MPP4: variants seen among roughly 807,000 people sequenced by gnomAD.
MPP4 encodes the protein MAGUK p55 scaffold protein 4, also known as MAGUK p55 subfamily member 4.
A neutral mutation model predicts 98.3 loss-of-function variants in MPP4; 91 were observed. That is an observed-to-expected ratio of 0.93 (90% CI 0.78 to 1.10). The LOEUF is 1.10. MPP4 is among the 50% of genes least tolerant of loss of function. The pLI is 0.00. For synonymous variants in MPP4, 261 were observed against 271.8 expected (o/e 0.96, Z 0.39); for missense variants, 744 against 792.9 (o/e 0.94, Z 0.74).
At chr2:201,659,340 C>A (rs1196979188) in intron 15 of MPP4, among the ~76,000 whole-genome samples, 1 of 152,160 alleles carries the variant, frequency 6.6e-6, no homozygotes, top group African/African-American at 2.4e-5. Flanking sequence ...ATGTTTCTGA[C>A]TGGCCAGGAC....
intron 11 of MPP4, among the ~76,000 whole-genome samples, chr2:201,670,101 A>G (rs936497283): frequency 2.4e-4 from 37 of 152,226 alleles, no homozygotes; most frequent in Admixed American, 2.4e-3. Flanking sequence ...AATGAAAGGA[A>G]GGGAAGAAGA....
At chr2:201,645,620 T>C (rs1261502584) in intron 21 of MPP4, among the ~76,000 whole-genome samples, 1 of 152,294 alleles carries the variant, frequency 6.6e-6, no homozygotes, top group East Asian at 1.9e-4. Context: ...TTTTGCCCTC[T>C]GTTATTGAAA....
chr2:201,660,702 C>T (rs553894204), intron 14 of MPP4, among the ~76,000 whole-genome samples: 10 of 152,200 alleles, frequency 6.6e-5, no homozygotes, highest in African/African-American at 1.2e-4. Flanking sequence ...CCTCTCTCCC[C>T]GAGGCAGTAT....
intron 3 of MPP4, among the ~76,000 whole-genome samples, chr2:201,691,756 T>G (rs1181316607): frequency 2.0e-5 from 3 of 152,156 alleles, no homozygotes; most frequent in Admixed American, 2.0e-4. Context: ...TGACCTCAGG[T>G]GATCCACCAG....
At chr2:201,654,266 G>A (rs141667378) in intron 18 of MPP4, among the ~76,000 whole-genome samples, 16 of 152,170 alleles carry the variant, frequency 1.1e-4, no homozygotes, top group African/African-American at 3.1e-4. Context: ...GTGAGCCACC[G>A]TGCCCAGCCA....
chr2:201,695,587 C>A (rs528571537), intron 1 of MPP4, among the ~76,000 whole-genome samples: 2 of 152,282 alleles, frequency 1.3e-5, no homozygotes, highest in African/African-American at 4.8e-5. Flanking sequence ...GCAACTAGAG[C>A]TTAATCCCAC....
At chr2:201,671,037 C>A (rs1380233095) in intron 11 of MPP4, among the ~76,000 whole-genome samples, 2 of 152,212 alleles carry the variant, frequency 1.3e-5, no homozygotes, top group African/African-American at 4.8e-5. Flanking sequence ...CCAGATATTA[C>A]CCTTTTCCCA....
intron 12 of MPP4, among the ~76,000 whole-genome samples, chr2:201,667,018 AT>A (rs1405037206): frequency 2.6e-5 from 4 of 152,214 alleles, no homozygotes; most frequent in Non-Finnish European, 4.4e-5. Flanking sequence ...CCATGTGAAA[AT>A]GGGGAGAGTA....
intron 18 of MPP4, chr2:201,652,148 G>GC (rs1687731197): frequency 3.4e-6 from 1 of 295,508 alleles, no homozygotes; most frequent in Admixed American, 6.5e-5. Flanking sequence ...ATCTTCCCCA[G>GC]CCCCTGCACA....
Position 201,698,172 on chromosome 2 carries a change from C to T in MPP4, c.-101+415G>A, listed in dbSNP as rs151220781. On this transcript the variant is annotated intron_variant, in intron 1 of 21. Transcript: ENST00000409474. The stretch of plus-strand genomic sequence containing the variant: ...AAGTATTTCCATTAGCTTTTTAAAA[C>T]GTACTATTAAATGCCACAACCCCCT... 5.6e-3 allele frequency: 4,354 copies of T among 779,904 alleles called. 19 individuals are homozygous for T. Among genetic ancestry groups the T allele is most frequent in the Non-Finnish European group, 6.1e-3 (3,873 of 638,318 alleles). The allele number at this position is 779,904 out of a possible 1,614,324, so 48.3% of individuals were successfully genotyped here.
intron 10 of MPP4, among the ~76,000 whole-genome samples, chr2:201,676,749 A>C (rs1281231510): frequency 6.6e-6 from 1 of 152,008 alleles, no homozygotes; most frequent in Non-Finnish European, 1.5e-5. Flanking sequence ...AAAATACAAA[A>C]ATTAGTTGGA....
intron 8 of MPP4, 32 bp from the exon 9 acceptor site, chr2:201,681,599 T>C: frequency 6.4e-7 from 1 of 1,574,034 alleles, no homozygotes; most frequent in African/African-American, 1.4e-5. Flanking sequence ...AGGATGACAA[T>C]CATGGAGCTA....
chr2:201,683,117 G>A (rs1025920395), intron 7 of MPP4, among the ~76,000 whole-genome samples: 6 of 150,788 alleles, frequency 4.0e-5, no homozygotes, highest in South Asian at 2.1e-4. Flanking sequence ...TTTCTACCTC[G>A]TCATAAATAC....
At chr2:201,666,450 G>T (rs1688177252) in intron 12 of MPP4, 78 bp from the exon 13 acceptor site, 1 of 1,167,104 alleles carries the variant, frequency 8.6e-7, no homozygotes, top group South Asian at 1.5e-5. Flanking sequence ...GCCAGGCATG[G>T]TGGCTCATGC....
chr2:201,669,319 T>C (rs1391209764), intron 12 of MPP4, among the ~76,000 whole-genome samples: 1 of 152,194 alleles, frequency 6.6e-6, no homozygotes, highest in Non-Finnish European at 1.5e-5. Context: ...AATCTTTTCA[T>C]CCATAACATG....
intron 21 of MPP4, among the ~76,000 whole-genome samples, 173 bp downstream of exon 21, chr2:201,647,518 A>AT (rs879140719): frequency 3.1e-4 from 47 of 150,784 alleles, no homozygotes; most frequent in Admixed American, 6.0e-4. Context: ...TACAGTTTTA[A>AT]TTTTTTTTTT....
At chr2:201,686,913 C>A (rs1255878164) in intron 5 of MPP4, among the ~76,000 whole-genome samples, 3 of 152,136 alleles carry the variant, frequency 2.0e-5, no homozygotes, top group African/African-American at 7.2e-5. Flanking sequence ...CTGTATATTC[C>A]AAATACACAC....
chr2:201,697,972 G>A (rs1689240963), intron 1 of MPP4: 2 of 985,368 alleles, frequency 2.0e-6, no homozygotes, highest in South Asian at 4.7e-5. Flanking sequence ...GTCAGTTGAA[G>A]CTTATCTATT....
intron 1 of MPP4, chr2:201,697,987 C>G (rs1689241421): frequency 2.0e-6 from 2 of 985,212 alleles, no homozygotes; most frequent in Admixed American, 1.2e-4. Flanking sequence ...TCTATTTCTG[C>G]TATCTTGAGA....
Sources: gnomAD v4.1 joint callset for allele counts (sites outside exome capture counted in the v4.1 genomes callset) on GRCh38, gnomAD v4.1.1 for gene constraint, MANE v1.5 for transcripts, NCBI Gene and HGNC (gene_info 2026-07-23, HGNC 2026-07-21) for gene names.